Variants in AFDN observed in about 807,000 individuals in gnomAD.
AFDN encodes the protein afadin.
Under a neutral mutation model 216.6 loss-of-function variants are expected in AFDN, and 68 were observed. The ratio of observed to expected loss-of-function variants is 0.31; its 90% confidence interval spans 0.26 to 0.38. The LOEUF is 0.38. Among genes scored for constraint, AFDN ranks in the 10% least tolerant of loss-of-function variants. The pLI, the probability that AFDN is intolerant of heterozygous loss-of-function variation, is 1.00. For synonymous variants in AFDN, 868 were observed against 853.7 expected (o/e 1.02, Z -0.29); for missense variants, 2,136 against 2,342.0 (o/e 0.91, Z 1.82).
chr6:167,846,637 T>C (rs1424173954), intron 1 of AFDN, among the ~76,000 whole-genome samples: 4 of 151,644 alleles, frequency 2.6e-5, no homozygotes, highest in Non-Finnish European at 4.4e-5. Flanking sequence ...TTTTTCAGTT[T>C]ATTTCCACAA....
chr6:167,851,444 A>G (rs1022566613), intron 1 of AFDN, among the ~76,000 whole-genome samples: 1 of 152,148 alleles, frequency 6.6e-6, no homozygotes, highest in African/African-American at 2.4e-5. Flanking sequence ...TCCACCCTCC[A>G]GTGGGTCCCA....
intron 1 of AFDN, among the ~76,000 whole-genome samples, chr6:167,831,487 A>T (rs1029905909): frequency 4.1e-4 from 62 of 152,160 alleles, no homozygotes; most frequent in Admixed American, 4.0e-3. Context: ...CTCTTATCTA[A>T]CAGTGTTGAG....
Position 167,947,871 on chromosome 6 carries a change from G to C in AFDN, c.3572G>C (p.Gly1191Ala). ...TGAGCAGATCAGCCTCCTAGTCCTG[G>C]AGGGAAAAGTGCATATGCCTCTGGA... is the stretch of plus-strand genomic sequence containing the variant. The part of the protein sequence containing the change: ...PNVANQPPSP[G>A]GKSAYASGTT... The change falls in exon 28 of 34, where the codon GGA (glycine) becomes GCA (alanine). Residue 1191 changes from glycine to alanine, a missense_variant. Around this residue, in one of 8 missense-constraint regions of AFDN, gnomAD observed 981 missense variants for 966.0 expected, o/e 1.02. Transcript: ENST00000683244. 6.2e-7 allele frequency: 1 copy of C among 1,613,588 alleles called. No homozygotes were observed. Among genetic ancestry groups the C allele is most frequent in the Non-Finnish European group, 8.5e-7 (1 of 1,179,658 alleles).
intron 32 of AFDN, among the ~76,000 whole-genome samples, chr6:167,966,741 A>G (rs1389139426): frequency 6.6e-6 from 1 of 152,218 alleles, no homozygotes; most frequent in Non-Finnish European, 1.5e-5. Context: ...AGCCTGTGGA[A>G]TAGATCACGC....
chr6:167,883,851 T>C (rs1301377465), intron 6 of AFDN, among the ~76,000 whole-genome samples: 1 of 150,136 alleles, frequency 6.7e-6, no homozygotes, highest in Non-Finnish European at 1.5e-5. Flanking sequence ...ATACAACAAA[T>C]GAAGTTTGCT....
In AFDN at chr6:167,915,169, T is replaced by C. The variant is rs770100416; in HGVS notation, c.2301T>C (p.Asp767=). Residue 767 remains aspartate, a splice_region_variant and synonymous_variant, in exon 19 of 34, where the codon GAT becomes GAC. Coordinates refer to ENST00000683244, the MANE Select transcript of AFDN (RefSeq NM_001386888.1). Reference sequence around the variant, plus strand: ...TGTCCTCTCACCCTGTCTGGGCAGATGATGTGCTGCACACGCTCACAGGAG... The same window carrying C: ...TGTCCTCTCACCCTGTCTGGGCAGACGATGTGCTGCACACGCTCACAGGAG... ...EENSLQRPKI[D]DVLHTLTGAM... 7 of 1,613,880 alleles carry C rather than the reference T, an allele frequency of 4.3e-6. No homozygotes were observed. The highest frequency in any genetic ancestry group is 5.9e-6 in the Non-Finnish European group (7 of 1,180,008).
chr6:167,952,544 C>A (rs1279217332), intron 30 of AFDN: 2 of 980,190 alleles, frequency 2.0e-6, no homozygotes, highest in Non-Finnish European at 2.4e-6. Flanking sequence ...AATTTTTCTT[C>A]CAGGGCCAGA....
In AFDN at chr6:167,943,617, CTTG is replaced by C. The variant is rs1325100604; in HGVS notation, c.3239+145_3239+147del. 115 of 632,256 alleles carry C rather than the reference CTTG, an allele frequency of 1.8e-4. No homozygotes were observed. The Middle Eastern group carries it at 4.5e-3, about 25-fold the overall frequency. The allele number at this position is 632,256 out of a possible 1,614,324, so 39.2% of individuals were successfully genotyped here. A position where few individuals can be genotyped will look rare whatever the true frequency, so the allele number is the denominator to read the frequency against. ...CTTTTATAGTGTACGTGACATTTCA[CTTG>C]TTATCAAATTATAAATATATATTTT... is the stretch of plus-strand genomic sequence containing the variant. On this transcript the variant is annotated intron_variant, in intron 25 of 33. Transcript: ENST00000683244.
chr6:167,923,651 G>A (rs528753441), intron 22 of AFDN, among the ~76,000 whole-genome samples: 87 of 130,348 alleles, frequency 6.7e-4, no homozygotes, highest in African/African-American at 2.4e-3. Flanking sequence ...TTGAGACAGA[G>A]TCTCGCTCAG....
intron 7 of AFDN, 76 bp from the exon 8 acceptor site, chr6:167,890,786 C>T: frequency 1.4e-6 from 2 of 1,418,124 alleles, no homozygotes; most frequent in Non-Finnish European, 1.9e-6. Context: ...GAAAGTTTTG[C>T]ACAGTTGACT....
intron 31 of AFDN, chr6:167,963,526 T>C: frequency 1.9e-6 from 2 of 1,056,114 alleles, no homozygotes; most frequent in Non-Finnish European, 2.3e-6. Flanking sequence ...TGTAGTGATA[T>C]GCTCTATTAG....
intron 5 of AFDN, among the ~76,000 whole-genome samples, chr6:167,875,907 T>C (rs1486452048): frequency 6.6e-6 from 1 of 152,210 alleles, no homozygotes; most frequent in Admixed American, 6.5e-5. Context: ...TATATTTTCC[T>C]GAAGGATAAA....
chr6:167,838,288 G>A (rs773077220), intron 1 of AFDN, among the ~76,000 whole-genome samples: 23 of 150,078 alleles, frequency 1.5e-4, no homozygotes, highest in African/African-American at 2.7e-4. Flanking sequence ...GTGACGCTGC[G>A]CTTGTGGAGA....
rs559132675 is a variant in AFDN at position 167,959,945 on chromosome 6, C to T, written c.4834-2488C>T. ...GCAAGGCTATTTTGGTAGCATGTAA[C>T]TTTTCATTCTTTTAATCAAAGTGCT... On this transcript the variant is annotated intron_variant, in intron 30 of 33. Coordinates refer to ENST00000683244, the MANE Select transcript of AFDN (RefSeq NM_001386888.1). 2.6e-5 allele frequency among the ~76,000 whole-genome samples: 4 copies of T among 152,296 alleles called. No homozygotes were observed. In the East Asian group the frequency reaches 7.7e-4, roughly 29 times the overall value.
At chr6:167,918,973 G>C in intron 21 of AFDN, 40 bp downstream of exon 21, 1 of 1,546,344 alleles carries the variant, frequency 6.5e-7, no homozygotes, top group Non-Finnish European at 8.9e-7. Flanking sequence ...CTACGCCCCA[G>C]GTTGAAGCGA....
At chr6:167,830,665 G>C (rs1203500804) in intron 1 of AFDN, among the ~76,000 whole-genome samples, 1 of 152,062 alleles carries the variant, frequency 6.6e-6, no homozygotes, top group Non-Finnish European at 1.5e-5. Context: ...TGCCCTGATG[G>C]TAAAAATAAC....
At position 167,922,906 on chromosome 6, in the gene AFDN, T is replaced by C; in HGVS notation, c.2959T>C (p.Tyr987His). The stretch of plus-strand genomic sequence containing the variant: ...ACGTTCACCAGGTACTTGGACAATA[T>C]ATTTTGAAGGTGCAGATTATGAAAG... ...HTRSPGTWTI[Y>H]FEGADYESHL... The change falls in exon 22 of 34, where the codon TAT becomes CAT. Residue 987 changes from tyrosine (Y) to histidine (H), a missense_variant. Tyr to His is a moderately conservative substitution (Grantham distance 83). Around this residue, in one of 8 missense-constraint regions of AFDN, gnomAD observed 162 missense variants for 182.6 expected, o/e 0.89. Transcript: ENST00000683244. 6.2e-7 allele frequency: 1 copy of C among 1,613,470 alleles called. No homozygotes were observed. Among genetic ancestry groups the C allele is most frequent in the Non-Finnish European group, 8.5e-7 (1 of 1,179,766 alleles).
intron 2 of AFDN, among the ~76,000 whole-genome samples, chr6:167,866,343 C>G (rs1370312805): frequency 2.0e-5 from 3 of 152,064 alleles, no homozygotes; most frequent in African/African-American, 7.2e-5. Flanking sequence ...TTTTTTTTCA[C>G]CAGTGCCTCA....
intron 1 of AFDN, among the ~76,000 whole-genome samples, chr6:167,857,929 T>C (rs1226785663): frequency 2.6e-5 from 4 of 152,208 alleles, no homozygotes; most frequent in Non-Finnish European, 4.4e-5. Flanking sequence ...TGTACGAATA[T>C]AGTATTTAAA....
Sources: gnomAD v4.1 joint callset for allele counts (sites outside exome capture counted in the v4.1 genomes callset) on GRCh38, gnomAD v4.1.1 for gene constraint, gnomAD v4.1.1 regional missense constraint, MANE v1.5 for transcripts, NCBI Gene and HGNC (gene_info 2026-07-23, HGNC 2026-07-21) for gene names.